DLGAP2: variants seen among roughly 807,000 people sequenced by gnomAD.
DLGAP2 encodes the protein disks large-associated protein 2.
A neutral mutation model predicts 100.3 loss-of-function variants in DLGAP2; 26 were observed. The ratio of observed to expected loss-of-function variants is 0.26; its 90% confidence interval spans 0.19 to 0.36. The LOEUF is 0.36. DLGAP2 is among the 10% of genes least tolerant of loss of function. DLGAP2 has a pLI of 1.00. For synonymous variants in DLGAP2, 886 were observed against 630.1 expected, an observed-to-expected ratio of 1.41 and a Z score of -6.08; for missense variants, 1,858 against 1,453.2, an observed-to-expected ratio of 1.28 and a Z score of -4.53.
intron 3 of DLGAP2, among the ~76,000 whole-genome samples, chr8:1,353,845 TATCTC>T (rs563220984): frequency 1.5e-4 from 23 of 151,968 alleles, no homozygotes; most frequent in African/African-American, 4.3e-4. Context: ...ACGGGAAAAA[TATCTC>T]AAATCAATAT....
chr8:1,688,713 T>G (rs1255150595), intron 12 of DLGAP2, among the ~76,000 whole-genome samples: 2 of 152,080 alleles, frequency 1.3e-5, no homozygotes, highest in African/African-American at 2.4e-5. Context: ...GACAGAAAAA[T>G]AGGTTTTTAA....
intron 2 of DLGAP2, among the ~76,000 whole-genome samples, chr8:972,779 T>C (rs1800048381): frequency 6.6e-6 from 1 of 152,200 alleles, no homozygotes; most frequent in African/African-American, 2.4e-5. Context: ...TTCCGCGGTG[T>C]TTGTGTCCCT....
chr8:1,419,775 C>T (rs991268581), intron 3 of DLGAP2, among the ~76,000 whole-genome samples: 1 of 152,138 alleles, frequency 6.6e-6, no homozygotes, highest in African/African-American at 2.4e-5. Flanking sequence ...ATAAATTAGT[C>T]TAGCCACTAA....
intron 1 of DLGAP2, among the ~76,000 whole-genome samples, chr8:819,881 A>G (rs1796553135): frequency 6.6e-6 from 1 of 152,220 alleles, no homozygotes; most frequent in South Asian, 2.1e-4. Flanking sequence ...TATCATTTCC[A>G]TGCGAACCCT....
rs565606564 is a variant in DLGAP2 at position 1,383,870 on chromosome 8, G to C, written c.107-117496G>C. Among the ~76,000 whole-genome samples, 77 of 152,314 alleles carry C rather than the reference G, an allele frequency of 5.1e-4. No homozygotes were observed. The South Asian group carries it at 0.016, about 31-fold the overall frequency. On this transcript the variant is annotated intron_variant, in intron 3 of 14. Transcript: ENST00000637795. ...GAATCTCTTCACTCTTCATGGGTGA[G>C]AGAGCGGCAGATGTCTTTGGCGGTG...
intron 1 of DLGAP2, among the ~76,000 whole-genome samples, chr8:745,120 G>A (rs1429053604): frequency 6.6e-6 from 1 of 152,210 alleles, no homozygotes; most frequent in African/African-American, 2.4e-5. Flanking sequence ...TGTGGGTGCT[G>A]GAGACAAGCA....
intron 2 of DLGAP2, among the ~76,000 whole-genome samples, chr8:1,084,427 A>G (rs1399535515): frequency 2.0e-5 from 3 of 152,242 alleles, no homozygotes; most frequent in African/African-American, 7.2e-5. Context: ...ATTTAAATGT[A>G]AAATACTCAA....
chr8:1,236,192 C>G (rs1329167153), intron 2 of DLGAP2, among the ~76,000 whole-genome samples: 5 of 110,458 alleles, frequency 4.5e-5, no homozygotes, highest in Admixed American at 3.0e-4. Flanking sequence ...CACAGAGCAT[C>G]GTGTCTAGTT....
intron 3 of DLGAP2, among the ~76,000 whole-genome samples, chr8:1,314,528 C>T (rs1373808350): frequency 2.6e-5 from 4 of 152,212 alleles, no homozygotes; most frequent in African/African-American, 9.7e-5. Flanking sequence ...TCAGGGGAGA[C>T]ATGGCCGAGT....
At chr8:1,146,883 A>T (rs545194388) in intron 2 of DLGAP2, among the ~76,000 whole-genome samples, 2 of 152,218 alleles carry the variant, frequency 1.3e-5, no homozygotes, top group Non-Finnish European at 2.9e-5. Context: ...CACTGAGCCA[A>T]TTCCTCACTG....
intron 2 of DLGAP2, among the ~76,000 whole-genome samples, chr8:1,082,912 T>G (rs1803858535): frequency 6.6e-6 from 1 of 152,230 alleles, no homozygotes; most frequent in South Asian, 2.1e-4. Context: ...TTTGGGGGAA[T>G]AGTTTACAAA....
intron 8 of DLGAP2, among the ~76,000 whole-genome samples, chr8:1,645,431 G>A (rs554300530): frequency 1.2e-4 from 19 of 152,332 alleles, no homozygotes; most frequent in African/African-American, 3.6e-4. Context: ...GCTAAGTTAC[G>A]ATGTTTGGTG....
At chr8:1,253,054 A>G (rs1799084600) in intron 2 of DLGAP2, among the ~76,000 whole-genome samples, 1 of 152,158 alleles carries the variant, frequency 6.6e-6, no homozygotes, top group Non-Finnish European at 1.5e-5. Context: ...CTTGCACTGC[A>G]CGGCCCACGG....
At chr8:1,070,788 C>G (rs1265934149) in intron 2 of DLGAP2, among the ~76,000 whole-genome samples, 1 of 152,188 alleles carries the variant, frequency 6.6e-6, no homozygotes. Flanking sequence ...GAAGGACGCG[C>G]TGGCTTTTCC....
intron 1 of DLGAP2, among the ~76,000 whole-genome samples, chr8:898,876 G>A (rs1413707852): frequency 6.6e-6 from 1 of 152,188 alleles, no homozygotes; most frequent in South Asian, 2.1e-4. Context: ...TTCACTGGAG[G>A]GTGAGCCCTG....
At chr8:1,065,795 C>G (rs7014139) in intron 2 of DLGAP2, among the ~76,000 whole-genome samples, 57 of 152,300 alleles carry the variant, frequency 3.7e-4, no homozygotes, top group African/African-American at 1.3e-3. Context: ...TCGAAGCCCC[C>G]AAATAGTTCT....
chr8:1,010,545 A>G (rs1801251615), intron 2 of DLGAP2, among the ~76,000 whole-genome samples: 1 of 152,234 alleles, frequency 6.6e-6, no homozygotes, highest in Admixed American at 6.5e-5. Flanking sequence ...GAGTTCGGGC[A>G]GTGAAGAGTA....
chr8:1,215,308 T>C (rs1195492173), intron 2 of DLGAP2, among the ~76,000 whole-genome samples: 1 of 152,240 alleles, frequency 6.6e-6, no homozygotes, highest in East Asian at 1.9e-4. Flanking sequence ...CAGCACCTTC[T>C]GAGCATGATC....
intron 3 of DLGAP2, among the ~76,000 whole-genome samples, chr8:1,385,988 G>T (rs1393079490): frequency 6.6e-6 from 1 of 152,258 alleles, no homozygotes; most frequent in Non-Finnish European, 1.5e-5. Flanking sequence ...TCTGAAGATT[G>T]GAGCAATTCC....
Sources: allele counts gnomAD v4.1 joint callset (sites outside exome capture counted in the v4.1 genomes callset), GRCh38; gene constraint gnomAD v4.1.1; transcripts MANE v1.5; gene names NCBI Gene and HGNC (gene_info 2026-07-23, HGNC 2026-07-21).